Variants in JUP observed in about 807,000 individuals in gnomAD.
JUP encodes catenin (cadherin-associated protein), gamma 80kDa.
Under a neutral mutation model 71.1 loss-of-function variants are expected in JUP, and 28 were observed. The ratio of observed to expected loss-of-function variants is 0.39; its 90% CI spans 0.29 to 0.54. JUP has a LOEUF of 0.54. Ranked by LOEUF, JUP falls within the 20% of genes least tolerant of loss-of-function variation. JUP has a pLI of 0.62. For synonymous variants in JUP, 401 were observed against 438.9 expected, an observed-to-expected ratio of 0.91 and a Z score of 1.08; for missense variants, 869 against 1,030.1, an observed-to-expected ratio of 0.84 and a Z score of 2.14.
Position 41,758,966 on chromosome 17 carries a change from T to C in JUP, c.1498-96A>G, listed in dbSNP as rs1318193365. ...AGTATCCCTTCCCTCCTTCACCTCT[T>C]CTGTCCCCGAGGCCAGACACAGACA... On this transcript the variant is annotated intron_variant, in intron 8 of 13. Coordinates refer to ENST00000393931, the MANE Select transcript of JUP (RefSeq NM_002230.4). 8 of 1,308,454 alleles carry C rather than the reference T, an allele frequency of 6.1e-6. No individual in the cohort carries two copies. The Admixed American group carries it at 7.2e-5, about 12-fold the overall frequency. 81.1% of individuals were successfully genotyped at this position (1,308,454 alleles called of 1,614,324 possible). A position where few individuals can be genotyped will look rare whatever the true frequency, so the allele number is the denominator to read the frequency against.
chr17:41,768,001 G>A (rs574954899), intron 4 of JUP, among the ~76,000 whole-genome samples: 23 of 152,344 alleles, frequency 1.5e-4, no homozygotes, highest in African/African-American at 4.6e-4. Context: ...AGTGGCTCAC[G>A]TCTGTAAACT....
intron 1 of JUP, among the ~76,000 whole-genome samples, chr17:41,780,682 A>G (rs142229145): frequency 0.021 from 3,049 of 145,748 alleles, 61 homozygotes; most frequent in Non-Finnish European, 0.028. Flanking sequence ...GCGACAGAGC[A>G]GGACTCCATC....
chr17:41,761,116 A>G (rs1316629879), intron 8 of JUP, among the ~76,000 whole-genome samples: 2 of 152,114 alleles, frequency 1.3e-5, no homozygotes, highest in African/African-American at 2.4e-5. Context: ...GGGAAGTGAC[A>G]CACAGCTAGC....
chr17:41,777,885 C>G (rs1351664998), intron 1 of JUP, among the ~76,000 whole-genome samples: 1 of 152,244 alleles, frequency 6.6e-6, no homozygotes, highest in African/African-American at 2.4e-5. Flanking sequence ...AGGGCTCCAG[C>G]TGGAGCTCCG....
At chr17:41,769,275 T>C (rs1597825007) in intron 3 of JUP, 68 bp from the exon 4 acceptor site, 1 of 1,564,582 alleles carries the variant, frequency 6.4e-7, no homozygotes. Flanking sequence ...TCCACAGAGC[T>C]GAGGAGGGCC....
At chr17:41,765,291 C>T (rs1915534904) in intron 5 of JUP, among the ~76,000 whole-genome samples, 1 of 152,136 alleles carries the variant, frequency 6.6e-6, no homozygotes. Flanking sequence ...ACACCTCAGC[C>T]TCCCAAAGTG....
chr17:41,756,049 C>T (rs1913671834), intron 13 of JUP, 126 bp downstream of exon 13: 1 of 1,315,000 alleles, frequency 7.6e-7, no homozygotes, highest in East Asian at 2.4e-5. Context: ...GACTGGGGTA[C>T]ATGTGGATGC....
At chr17:41,782,600 C>A (rs144476962) in intron 1 of JUP, among the ~76,000 whole-genome samples, 1 of 152,102 alleles carries the variant, frequency 6.6e-6, no homozygotes, top group African/African-American at 2.4e-5. Flanking sequence ...CAACCTCCCC[C>A]CAACACTCAC....
At position 41,755,700 on chromosome 17, in the gene JUP, G is replaced by C. The variant is rs782533474; in HGVS notation, c.*44C>G. ...TCCAACAGAAGGAGGTTCTAGAGAGGAGGAAAAGCCTGCAAAGAGGGGGCC... is the reference window on the plus strand; with the variant it reads ...TCCAACAGAAGGAGGTTCTAGAGAGCAGGAAAAGCCTGCAAAGAGGGGGCC... On this transcript the variant is annotated 3_prime_UTR_variant, in exon 14 of 14. Coordinates refer to ENST00000393931, the MANE Select transcript of JUP (RefSeq NM_002230.4). 20 of 1,513,302 alleles carry C rather than the reference G, an allele frequency of 1.3e-5. No homozygotes were observed. The African/African-American group carries it at 2.8e-4, about 21-fold the overall frequency. 93.7% of individuals were successfully genotyped at this position (1,513,302 alleles called of 1,614,324 possible). A position where few individuals can be genotyped will look rare whatever the true frequency, so the allele number is the denominator to read the frequency against.
chr17:41,776,383 G>T (rs1291135510), intron 1 of JUP, among the ~76,000 whole-genome samples: 2 of 152,256 alleles, frequency 1.3e-5, no homozygotes, highest in Non-Finnish European at 2.9e-5. Context: ...CACAGGAAAG[G>T]CATGCATTCT....
rs868965112 is a variant in JUP, at chr17:41,755,446, G to A, written c.*298C>T. On this transcript the variant is annotated 3_prime_UTR_variant, in exon 14 of 14. Transcript: ENST00000393931. ...GAGGAACCGCACCTGTTAGGGGAGC[G>A]GGGACAGACAGGGGTCAGGGGCTCG... is the stretch of plus-strand genomic sequence containing the variant. 15 of 423,530 alleles carry A rather than the reference G, an allele frequency of 3.5e-5. No homozygotes were observed. The highest frequency in any genetic ancestry group is 5.9e-4 in the Middle Eastern group (1 of 1,688). 26.2% of individuals were successfully genotyped at this position (423,530 alleles called of 1,614,324 possible).
chr17:41,767,645 C>T, intron 4 of JUP, 65 bp from the exon 5 acceptor site: 1 of 1,352,958 alleles, frequency 7.4e-7, no homozygotes. Context: ...GTGAGCCTGG[C>T]ATGGGTTCCC....
At chr17:41,774,970 G>T (rs1555608212) in intron 1 of JUP, among the ~76,000 whole-genome samples, 2 of 152,068 alleles carry the variant, frequency 1.3e-5, no homozygotes, top group Non-Finnish European at 2.9e-5. Context: ...AGGCATGGTG[G>T]TGTGCACCTG....
intron 1 of JUP, among the ~76,000 whole-genome samples, chr17:41,778,320 T>A (rs1206036542): frequency 1.3e-5 from 2 of 152,142 alleles, no homozygotes; most frequent in Admixed American, 6.5e-5. Flanking sequence ...ATCCCAGCAC[T>A]TTAGGAGGCC....
At chr17:41,771,150 C>T (rs1916583283) in intron 2 of JUP, among the ~76,000 whole-genome samples, 1 of 152,224 alleles carries the variant, frequency 6.6e-6, no homozygotes, top group Non-Finnish European at 1.5e-5. Context: ...CTGCCTCAGC[C>T]TCCCAAGTAG....
At chr17:41,761,577 C>T (rs183864702) in intron 8 of JUP, among the ~76,000 whole-genome samples, 2 of 152,020 alleles carry the variant, frequency 1.3e-5, no homozygotes, top group East Asian at 3.9e-4. Flanking sequence ...TTTGGAAGGC[C>T]AAAGTGGGTG....
intron 1 of JUP, chr17:41,776,133 T>A: frequency 4.0e-6 from 1 of 250,548 alleles, no homozygotes; most frequent in East Asian, 1.8e-4. Flanking sequence ...TCAGAAGCAT[T>A]GCATTTGGGA....
intron 12 of JUP, 135 bp downstream of exon 12, chr17:41,757,280 G>A (rs1342284153): frequency 4.8e-6 from 5 of 1,032,820 alleles, no homozygotes; most frequent in Admixed American, 1.9e-5. Flanking sequence ...CATCTGCTAG[G>A]AATTGTTATA....
Position 41,755,657 on chromosome 17 carries a change from C to T in JUP, c.*87G>A, listed in dbSNP as rs375989026. The T allele has an allele frequency of 5.3e-5, 69 of 1,301,826 alleles. 1 individual carries two copies. The highest frequency in any genetic ancestry group is 3.6e-4 in the East Asian group (15 of 41,800). The allele number at this position is 1,301,826 out of a possible 1,614,324, so 80.6% of individuals were successfully genotyped here. A position where few individuals can be genotyped will look rare whatever the true frequency, so the allele number is the denominator to read the frequency against. On this transcript the variant is annotated 3_prime_UTR_variant, in exon 14 of 14. Transcript: ENST00000393931. ...CCCAAAAAAGGAGCGCAGGTTTCAG[C>T]GGGGAGATGGGAGGGCCTCCAACAG...
Sources: allele counts gnomAD v4.1 joint callset (sites outside exome capture counted in the v4.1 genomes callset), GRCh38; gene constraint gnomAD v4.1.1; transcripts MANE v1.5; gene names NCBI Gene and HGNC (gene_info 2026-07-23, HGNC 2026-07-21).